Variants in HTT observed in about 807,000 individuals in gnomAD.
The protein encoded by HTT is huntington disease protein.
In HTT, 104 loss-of-function variants were observed where a neutral mutation model predicts 362.3. The ratio of observed to expected loss-of-function variants is 0.29; its 90% CI spans 0.24 to 0.34. The LOEUF (loss-of-function observed/expected upper bound fraction) is 0.34, where lower values mean the gene tolerates loss of function less well. HTT is among the 10% of genes least tolerant of loss of function. HTT has a pLI of 1.00. For missense variants in HTT, 3,301 were observed against 3,928.6 expected, an observed-to-expected ratio of 0.84 and a Z score of 4.27; for synonymous variants, 1,577 against 1,548.7, an observed-to-expected ratio of 1.02 and a Z score of -0.43.
At chr4:3,190,314 G>A (rs1175669941) in intron 40 of HTT, among the ~76,000 whole-genome samples, 1 of 151,034 alleles carries the variant, frequency 6.6e-6, no homozygotes, top group East Asian at 1.9e-4. Flanking sequence ...ACTCCAGCCT[G>A]GGCTACAGAA....
rs529117470 is a variant in HTT at position 3,185,262 on chromosome 4, C to T, written c.4867-1335C>T. 4.6e-5 allele frequency among the ~76,000 whole-genome samples: 7 copies of T among 152,262 alleles called. No homozygotes were observed. In the South Asian group the frequency reaches 1.2e-3, roughly 27 times the overall value. On this transcript the variant is annotated intron_variant, in intron 37 of 66. Transcript: ENST00000355072. Reference sequence around the variant, plus strand: ...AGTTCATGACACAGGAGACACAAATCGCCGTTGTGGTGTTCACAGACATGG... The same window carrying T: ...AGTTCATGACACAGGAGACACAAATTGCCGTTGTGGTGTTCACAGACATGG...
rs776576770 is a variant in HTT at position 3,136,378 on chromosome 4, A to G, written c.2798+52A>G. The stretch of plus-strand genomic sequence containing the variant: ...CCTTTTTTGGTTGAAGTACTAAAAG[A>G]TACGAGAATGGAAAGAGAGGGAAGA... On this transcript the variant is annotated intron_variant, in intron 21 of 66. Coordinates refer to ENST00000355072, the MANE Select transcript of HTT (RefSeq NM_001388492.1). 8.6e-6 allele frequency: 8 copies of G among 928,944 alleles called. No homozygotes were observed. In the Middle Eastern group the frequency reaches 1.5e-3, roughly 180 times the overall value. The allele number at this position is 928,944 out of a possible 1,614,324, so 57.5% of individuals were successfully genotyped here.
At chr4:3,106,842 G>A (rs902051103) in intron 5 of HTT, among the ~76,000 whole-genome samples, 2 of 152,212 alleles carry the variant, frequency 1.3e-5, no homozygotes, top group African/African-American at 2.4e-5. Context: ...CACTCTGTGT[G>A]TTGGGTGAAT....
chr4:3,103,736 C>A, intron 3 of HTT, 88 bp from the exon 4 acceptor site: 1 of 805,572 alleles, frequency 1.2e-6, no homozygotes, highest in Non-Finnish European at 2.1e-6. Flanking sequence ...TTGCTTTGCC[C>A]CAAAATTGAA....
intron 1 of HTT, among the ~76,000 whole-genome samples, chr4:3,086,334 T>G (rs533496674): frequency 1.3e-5 from 2 of 152,284 alleles, no homozygotes; most frequent in Admixed American, 1.3e-4. Flanking sequence ...CTGTGTGATC[T>G]TGGGCATGTC....
chr4:3,187,883 C>A lies in HTT; in HGVS notation c.5222C>A (p.Ser1741Ter). The A allele has an allele frequency of 6.3e-7, 1 of 1,592,000 alleles. No individual in the cohort carries two copies. The highest frequency in any genetic ancestry group is 1.1e-5 in the South Asian group (1 of 90,344). The stretch of plus-strand genomic sequence containing the variant: ...AAGAATTTGCCAGAAGAAACATTTT[C>A]AAGGTATGCTTTCTATCTGAGCCTA... ...QIKNLPEETF[S>*]RFLLQLVGIL... is the part of the protein sequence containing the mutation. The change falls in exon 39 of 67, where the codon TCA (serine) becomes TAA (stop). Residue 1741 changes from serine (S) to a stop codon, truncating the protein, a stop_gained. Coordinates refer to ENST00000355072, the MANE Select transcript of HTT (RefSeq NM_001388492.1). LOFTEE classifies it high-confidence loss of function.
Position 3,174,730 on chromosome 4 carries a change from T to C in HTT, c.4176T>C (p.Asp1392=). 6.2e-7 allele frequency: 1 copy of C among 1,613,458 alleles called. No individual in the cohort carries two copies. Among genetic ancestry groups the C allele is most frequent in the Non-Finnish European group, 8.5e-7 (1 of 1,179,364 alleles). ...TATTCCCATTTGGCAGATGGTTTGATGTCCTCCAGAAAGTGTCTACCCAGT... is the reference window on the plus strand; with the variant it reads ...TATTCCCATTTGGCAGATGGTTTGACGTCCTCCAGAAAGTGTCTACCCAGT... The part of the protein sequence containing the change: ...EQENDTSGWF[D]VLQKVSTQLK... The change falls in exon 32 of 67, where the codon GAT becomes GAC. Residue 1392 remains aspartate, a synonymous_variant. Transcript: ENST00000355072.
rs770208479 is a variant in HTT at position 3,175,027 on chromosome 4, C to G, written c.4327C>G (p.Gln1443Glu). ...ACAGTACACGACTACAACATGTGTG[C>G]AGTTACAGAAGCAGGTTTTAGATTT... is the stretch of plus-strand genomic sequence containing the variant. ...LKQYTTTTCV[Q>E]LQKQVLDLLA... Residue 1443 changes from glutamine to glutamate, a missense_variant, in exon 33 of 67, where the codon CAG becomes GAG. Physicochemically the swap from Gln to Glu is conservative, Grantham distance 29 (BLOSUM62 2). This residue lies in a region of HTT where 2,316 missense variants were observed against 2,658.5 expected (regional missense o/e 0.87). Coordinates refer to ENST00000355072, the MANE Select transcript of HTT (RefSeq NM_001388492.1). 1 of 1,612,986 alleles carries G rather than the reference C, an allele frequency of 6.2e-7. No homozygotes were observed. The highest frequency in any genetic ancestry group is 2.2e-5 in the East Asian group (1 of 44,888).
intron 47 of HTT, 99 bp downstream of exon 47, chr4:3,210,048 A>T: frequency 6.9e-7 from 1 of 1,459,384 alleles, no homozygotes. Flanking sequence ...TTGACAACAC[A>T]TGTTGGGGAC....
At chr4:3,175,642 C>G (rs754287099) in intron 33 of HTT, among the ~76,000 whole-genome samples, 25 of 152,190 alleles carry the variant, frequency 1.6e-4, no homozygotes, top group Non-Finnish European at 2.5e-4. Flanking sequence ...CACGCTTCCC[C>G]TCTTGACTGC....
In HTT at chr4:3,178,360, A is replaced by G. The variant is rs747202535; in HGVS notation, c.4526A>G (p.Tyr1509Cys). The G allele has an allele frequency of 1.2e-6, 2 of 1,611,908 alleles. No homozygotes were observed. Among genetic ancestry groups the G allele is most frequent in the Admixed American group, 1.7e-5 (1 of 60,026 alleles). ...FFLVLLSYERYHSKQIIGIPK... is the reference protein window; with the variant it reads ...FFLVLLSYERCHSKQIIGIPK... Reference sequence around the variant, plus strand: ...TTGGTATTACTATCTTATGAACGCTATCATTCAAAACAGATCATTGGAATT... The same window carrying G: ...TTGGTATTACTATCTTATGAACGCTGTCATTCAAAACAGATCATTGGAATT... The change falls in exon 35 of 67, where the codon TAT becomes TGT. Residue 1509 changes from tyrosine to cysteine, a missense_variant. Physicochemically the swap from Tyr to Cys is radical, Grantham distance 194. Coordinates refer to ENST00000355072, the MANE Select transcript of HTT (RefSeq NM_001388492.1).
intron 28 of HTT, among the ~76,000 whole-genome samples, chr4:3,159,233 C>A (rs1038458522): frequency 2.0e-5 from 3 of 152,198 alleles, no homozygotes; most frequent in African/African-American, 7.2e-5. Flanking sequence ...AGAACTTTTG[C>A]AGCTCTTCTG....
chr4:3,154,187 C>T (rs927248601), intron 26 of HTT, 106 bp from the exon 27 acceptor site: 5 of 895,012 alleles, frequency 5.6e-6, no homozygotes, highest in Non-Finnish European at 8.4e-6. Flanking sequence ...CATGGGTTAG[C>T]TCTTTTTAAT....
chr4:3,125,519 T>TA, intron 10 of HTT, 30 bp from the exon 11 acceptor site: 1 of 1,514,934 alleles, frequency 6.6e-7, no homozygotes, highest in Non-Finnish European at 9.2e-7. Flanking sequence ...TTTAGCAAAC[T>TA]AAAAGGAATG....
intron 1 of HTT, among the ~76,000 whole-genome samples, chr4:3,075,884 G>A (rs766961378): frequency 2.0e-5 from 3 of 152,106 alleles, no homozygotes; most frequent in Non-Finnish European, 2.9e-5. Flanking sequence ...GTGAACTTAC[G>A]TGGTGATTAA....
At chr4:3,190,233 G>C (rs369676605) in intron 40 of HTT, among the ~76,000 whole-genome samples, 1 of 151,844 alleles carries the variant, frequency 6.6e-6, no homozygotes, top group Non-Finnish European at 1.5e-5. Flanking sequence ...TGTAGTCCCA[G>C]CTACTTGGGA....
Position 3,241,175 on chromosome 4 carries a change from T to A in HTT, c.*1116T>A, listed in dbSNP as rs1578623545. On this transcript the variant is annotated 3_prime_UTR_variant, in exon 67 of 67. Coordinates refer to ENST00000355072, the MANE Select transcript of HTT (RefSeq NM_001388492.1). ...GCCCTAAGAGTGTCACTGAGCTGTG[T>A]TTTGTCTGAGCCTCTCTCGGTCAAC... The A allele has an allele frequency of 6.6e-6, 1 of 152,284 alleles. No individual in the cohort carries two copies. Among genetic ancestry groups the A allele is most frequent in the East Asian group, 1.9e-4 (1 of 5,206 alleles). 9.4% of individuals were successfully genotyped at this position (152,284 alleles called of 1,614,324 possible). A position where few individuals can be genotyped will look rare whatever the true frequency, so the allele number is the denominator to read the frequency against.
chr4:3,154,567 A>G (rs569477967), intron 27 of HTT, 148 bp downstream of exon 27: 2 of 1,114,802 alleles, frequency 1.8e-6, no homozygotes, highest in African/African-American at 1.6e-5. Context: ...GGTTCAAGAT[A>G]TTAGAAACTA....
chr4:3,225,778 C>A, intron 57 of HTT, 35 bp downstream of exon 57: 1 of 1,541,648 alleles, frequency 6.5e-7, no homozygotes, highest in Non-Finnish European at 8.9e-7. Context: ...GGCCTCTGTC[C>A]GTTTCTGTCC....
Sources: allele counts gnomAD v4.1 joint callset (sites outside exome capture counted in the v4.1 genomes callset), GRCh38; gene constraint gnomAD v4.1.1; regional missense constraint gnomAD v4.1.1; transcripts MANE v1.5; gene names NCBI Gene and HGNC (gene_info 2026-07-23, HGNC 2026-07-21).